Variants in EPM2A observed in about 807,000 individuals in gnomAD.
The protein encoded by EPM2A is EPM2A glucan phosphatase, laforin.
Under a neutral mutation model 26.5 loss-of-function variants are expected in EPM2A, and 21 were observed. The ratio of observed to expected loss-of-function variants is 0.79; its 90% CI spans 0.56 to 1.14. The LOEUF is 1.14. EPM2A is among the 50% of genes most tolerant of loss of function. The pLI is 0.00. For synonymous variants in EPM2A, 217 were observed against 177.6 expected, an observed-to-expected ratio of 1.22 and a Z score of -1.76; for missense variants, 458 against 440.8, an observed-to-expected ratio of 1.04 and a Z score of -0.35.
chr6:145,448,334 A>G (rs1240784290), intron 4 of EPM2A, among the ~76,000 whole-genome samples: 1 of 152,122 alleles, frequency 6.6e-6, no homozygotes, highest in Non-Finnish European at 1.5e-5. Context: ...ACCACAATGT[A>G]AATCAAATTT....
chr6:145,488,520 T>TGAGAGAGAGAGAGAGAGAGAGAGA (rs1215856544), intron 4 of EPM2A, among the ~76,000 whole-genome samples: 1 of 136,530 alleles, frequency 7.3e-6, no homozygotes, highest in African/African-American at 3.1e-5. Context: ...TGTGTGTGTG[T>TGAGAGAGAGAGAGAGAGAGAGAGA]GTGAGAGAGA....
rs56700058 is a variant in EPM2A at position 145,405,981 on chromosome 6, TACACAC to T, written c.556-21890_556-21885del. Among the ~76,000 whole-genome samples, 481 of 146,596 alleles carry T rather than the reference TACACAC, an allele frequency of 3.3e-3. 3 individuals are homozygous for T. The highest frequency in any genetic ancestry group is 0.017 in the Middle Eastern group (5 of 288). On this transcript the variant is annotated intron_variant, in intron 4 of 4. Transcript: ENST00000638717. ...AGAACTATTTAATCATGGAGATACC[TACACAC>T]ACACACACACACACACACACACACA... is the stretch of plus-strand genomic sequence containing the variant.
Position 145,617,545 on chromosome 6 carries a change from C to T in EPM2A, c.340+17700G>A, listed in dbSNP as rs183813019. ...CAAAATAAGGCACAAAATGAAGATACTGATAGTACTTTCATTGAATAAATT... is the reference window on the plus strand; with the variant it reads ...CAAAATAAGGCACAAAATGAAGATATTGATAGTACTTTCATTGAATAAATT... On this transcript the variant is annotated intron_variant, in intron 2 of 3. Transcript: ENST00000450221. Among the ~76,000 whole-genome samples the T allele has an allele frequency of 6.6e-5, 10 of 152,290 alleles. No homozygotes were observed. In the East Asian group the frequency reaches 1.3e-3, roughly 21 times the overall value.
intron 2 of EPM2A, among the ~76,000 whole-genome samples, chr6:145,544,411 A>C (rs1410328716): frequency 6.6e-6 from 1 of 152,192 alleles, no homozygotes; most frequent in East Asian, 1.9e-4. Flanking sequence ...TCAGCTCAGT[A>C]ACATTGGACA....
chr6:145,721,751 C>G (rs1248171746), intron 1 of EPM2A: 1 of 152,166 alleles, frequency 6.6e-6, no homozygotes, highest in African/African-American at 2.4e-5. Context: ...TATTTTTACA[C>G]AAATAAAAAA....
intron 1 of EPM2A, chr6:145,722,741 A>C (rs1422214121): frequency 2.2e-6 from 1 of 453,844 alleles, no homozygotes; most frequent in Non-Finnish European, 4.4e-6. Flanking sequence ...TAATAAAGTT[A>C]AAATGAGGTA....
intron 4 of EPM2A, among the ~76,000 whole-genome samples, chr6:145,447,755 A>C (rs1405520044): frequency 6.6e-6 from 1 of 152,140 alleles, no homozygotes; most frequent in Non-Finnish European, 1.5e-5. Context: ...CTCCAAGAAC[A>C]TAAGTATGCC....
intron 4 of EPM2A, among the ~76,000 whole-genome samples, chr6:145,480,050 T>C (rs1428133387): frequency 6.6e-6 from 1 of 152,110 alleles, no homozygotes; most frequent in Non-Finnish European, 1.5e-5. Flanking sequence ...AAGCCATTCA[T>C]ATATCTTCTT....
chr6:145,399,082 C>T (rs1778446866), intron 4 of EPM2A, among the ~76,000 whole-genome samples: 1 of 152,062 alleles, frequency 6.6e-6, no homozygotes, highest in Non-Finnish European at 1.5e-5. Context: ...ATAACACATT[C>T]TAGATCAAAT....
intron 2 of EPM2A, among the ~76,000 whole-genome samples, chr6:145,546,476 T>C (rs186158760): frequency 1.6e-4 from 24 of 152,270 alleles, no homozygotes; most frequent in Admixed American, 1.4e-3. Context: ...CTTCCAGAAA[T>C]AGCCTCACAG....
At chr6:145,486,354 T>C (rs1779673417) in intron 4 of EPM2A, among the ~76,000 whole-genome samples, 1 of 152,200 alleles carries the variant, frequency 6.6e-6, no homozygotes, top group African/African-American at 2.4e-5. Flanking sequence ...TACAACATGA[T>C]GTTATAACAT....
chr6:145,550,933 G>A (rs937898796), intron 2 of EPM2A, among the ~76,000 whole-genome samples: 10 of 151,874 alleles, frequency 6.6e-5, no homozygotes, highest in South Asian at 6.2e-4. Context: ...TTCGTTTGGG[G>A]AAAATCAAAA....
At chr6:145,517,948 A>T (rs942930732) in intron 2 of EPM2A, among the ~76,000 whole-genome samples, 1 of 152,192 alleles carries the variant, frequency 6.6e-6, no homozygotes, top group Admixed American at 6.5e-5. Context: ...CCAGAAAAAA[A>T]AATTTTATCC....
intron 2 of EPM2A, among the ~76,000 whole-genome samples, chr6:145,505,819 T>C (rs1779964937): frequency 6.6e-6 from 1 of 152,254 alleles, no homozygotes; most frequent in African/African-American, 2.4e-5. Context: ...GTTTCTGCTA[T>C]TAATATGTGT....
At chr6:145,702,446 CTG>C (rs1781967832) in intron 1 of EPM2A, among the ~76,000 whole-genome samples, 1 of 149,628 alleles carries the variant, frequency 6.7e-6, no homozygotes, top group Non-Finnish European at 1.5e-5. Context: ...TTTAAGCAAA[CTG>C]TGTCTGTTTT....
At chr6:145,706,386 C>T (rs1469501944) in intron 1 of EPM2A, among the ~76,000 whole-genome samples, 2 of 152,182 alleles carry the variant, frequency 1.3e-5, no homozygotes, top group Non-Finnish European at 2.9e-5. Flanking sequence ...CCAGAAAGTG[C>T]ACTAACCACA....
chr6:145,494,046 T>A (rs1779788479), intron 4 of EPM2A, among the ~76,000 whole-genome samples: 1 of 152,230 alleles, frequency 6.6e-6, no homozygotes, highest in African/African-American at 2.4e-5. Context: ...TAAAATAGCA[T>A]CAGTAGGGAT....
chr6:145,617,269 A>G (rs1048627528), intron 2 of EPM2A, among the ~76,000 whole-genome samples: 1 of 152,162 alleles, frequency 6.6e-6, no homozygotes, highest in African/African-American at 2.4e-5. Context: ...CTGCTACCAT[A>G]TGAGATGTGC....
At chr6:145,402,767 CCT>C (rs2114668079) in intron 4 of EPM2A, among the ~76,000 whole-genome samples, 1 of 152,210 alleles carries the variant, frequency 6.6e-6, no homozygotes, top group South Asian at 2.1e-4. Flanking sequence ...TCTTGAAACT[CCT>C]CTGTAAGTTT....
Sources: allele counts gnomAD v4.1 joint callset (sites outside exome capture counted in the v4.1 genomes callset), GRCh38; gene constraint gnomAD v4.1.1; transcripts MANE v1.5; gene names NCBI Gene and HGNC (gene_info 2026-07-23, HGNC 2026-07-21).